Variants in INPP4A observed in about 807,000 individuals in gnomAD.
The protein encoded by INPP4A is inositol polyphosphate-4-phosphatase type I A.
A neutral mutation model predicts 119.8 loss-of-function variants in INPP4A; 33 were observed. The ratio of observed to expected loss-of-function variants is 0.28; its 90% CI spans 0.21 to 0.37. The LOEUF is 0.37. INPP4A is among the 10% of genes least tolerant of loss of function. The pLI is 1.00. For missense variants in INPP4A, 956 were observed against 1,289.9 expected, an observed-to-expected ratio of 0.74 and a Z score of 3.97; for synonymous variants, 496 against 500.7, an observed-to-expected ratio of 0.99 and a Z score of 0.12.
At chr2:98,579,859 G>A (rs1291665869) in intron 24 of INPP4A, among the ~76,000 whole-genome samples, 1 of 152,218 alleles carries the variant, frequency 6.6e-6, no homozygotes, top group Non-Finnish European at 1.5e-5. Context: ...AGTTTTTAAA[G>A]AAGTTATAAA....
At chr2:98,539,386 G>A in intron 9 of INPP4A, 142 bp from the exon 10 acceptor site, 1 of 886,486 alleles carries the variant, frequency 1.1e-6, no homozygotes. Context: ...TGGGTTTTCG[G>A]TGTAAGCGTT....
chr2:98,445,492 G>A (rs565114426), intron 1 of INPP4A, among the ~76,000 whole-genome samples: 1 of 152,354 alleles, frequency 6.6e-6, no homozygotes, highest in African/African-American at 2.4e-5. Flanking sequence ...GGGAAATCTG[G>A]TCTCCATCCT....
At chr2:98,564,588 A>G in intron 18 of INPP4A, 52 bp from the exon 19 acceptor site, 1 of 1,609,756 alleles carries the variant, frequency 6.2e-7, no homozygotes, top group Non-Finnish European at 8.5e-7. Flanking sequence ...TCTGACTGCC[A>G]TTTGGTGAGC....
chr2:98,485,966 G>A (rs933342691), intron 1 of INPP4A, among the ~76,000 whole-genome samples: 1 of 152,088 alleles, frequency 6.6e-6, no homozygotes, highest in African/African-American at 2.4e-5. Flanking sequence ...AAGGGGAGGG[G>A]GCCTCCAGAT....
rs1700491980 is a variant in INPP4A at position 98,593,589 on chromosome 2, G to C, written c.*5981G>C. ...GGTCCATCCCAGACTCTCCCCCAAG[G>C]TCCAGATTACCTATACATCTAAGCA... is the stretch of plus-strand genomic sequence containing the variant. On this transcript the variant is annotated 3_prime_UTR_variant, in exon 25 of 25. Coordinates refer to ENST00000409851, the MANE Select transcript of INPP4A (RefSeq NM_001134225.2). 6.6e-6 allele frequency: 1 copy of C among 152,122 alleles called. No homozygotes were observed. Among genetic ancestry groups the C allele is most frequent in the Non-Finnish European group, 1.5e-5 (1 of 68,042 alleles). The allele number at this position is 152,122 out of a possible 1,614,324, so 9.4% of individuals were successfully genotyped here.
Position 98,539,615 on chromosome 2 carries a change from T to C in INPP4A, c.758T>C (p.Val253Ala), listed in dbSNP as rs763451572. 1 of 1,612,144 alleles carries C rather than the reference T, an allele frequency of 6.2e-7. No homozygotes were observed. The highest frequency in any genetic ancestry group is 1.7e-5 in the Admixed American group (1 of 59,858). ...LRILEQMAES[V>A]LSLHVPRQFV... ...ATCCTGGAGCAGATGGCAGAGAGCG[T>C]GCTCTCCCTGCACGTGCCCCGGCAG... is the stretch of plus-strand genomic sequence containing the variant. Residue 253 changes from valine to alanine, a missense_variant, in exon 10 of 25, where the codon GTG (valine) becomes GCG (alanine). Transcript: ENST00000409851.
intron 18 of INPP4A, among the ~76,000 whole-genome samples, chr2:98,564,094 G>A (rs1460425982): frequency 6.6e-6 from 1 of 152,198 alleles, no homozygotes; most frequent in Non-Finnish European, 1.5e-5. Context: ...TGAAATGAAT[G>A]TAACAAGTTT....
At position 98,454,873 on chromosome 2, in the gene INPP4A, A is replaced by G. The variant is rs1166337354; in HGVS notation, c.-166+9788A>G. On this transcript the variant is annotated intron_variant, in intron 1 of 24. Coordinates refer to ENST00000409851, the MANE Select transcript of INPP4A (RefSeq NM_001134225.2). ...TGTTTTTTTAAAGAATGGAAGGACT[A>G]AGGATTGTATGAGCTGAAATGTTGA... 4.6e-5 allele frequency among the ~76,000 whole-genome samples: 7 copies of G among 152,252 alleles called. No homozygotes were observed. In the South Asian group the frequency reaches 6.2e-4, roughly 14 times the overall value.
At chr2:98,531,724 A>G (rs992811404) in intron 4 of INPP4A, among the ~76,000 whole-genome samples, 2 of 152,218 alleles carry the variant, frequency 1.3e-5, no homozygotes, top group Non-Finnish European at 2.9e-5. Context: ...CTACTTAGAG[A>G]ACATTTCCTT....
intron 1 of INPP4A, among the ~76,000 whole-genome samples, chr2:98,500,297 T>C (rs1682858559): frequency 6.6e-6 from 1 of 152,012 alleles, no homozygotes; most frequent in South Asian, 2.1e-4. Flanking sequence ...CAGCAGCTGG[T>C]TGGTGTCTGT....
At chr2:98,535,381 A>T (rs914612636) in intron 5 of INPP4A, among the ~76,000 whole-genome samples, 2 of 152,250 alleles carry the variant, frequency 1.3e-5, no homozygotes, top group African/African-American at 4.8e-5. Context: ...ACTTTAAGTT[A>T]TAAAACTAAG....
In INPP4A at chr2:98,566,244, T is replaced by A; in HGVS notation, c.2420+75T>A. ...ATGCAGAAAACGTACTTACCCCTCT[T>A]CAGGCTCTAAGTGCTGGACAGACTT... On this transcript the variant is annotated intron_variant, in intron 21 of 24. Coordinates refer to ENST00000409851, the MANE Select transcript of INPP4A (RefSeq NM_001134225.2). This position sits in a 1 kb window ranked among gnomAD's most constrained non-coding sequence, Gnocchi z 4.2. 1 of 1,425,692 alleles carries A rather than the reference T, an allele frequency of 7.0e-7. No homozygotes were observed. The highest frequency in any genetic ancestry group is 9.4e-7 in the Non-Finnish European group (1 of 1,067,504). The allele number at this position is 1,425,692 out of a possible 1,614,324, so 88.3% of individuals were successfully genotyped here.
At chr2:98,463,900 C>T (rs1286562370) in intron 1 of INPP4A, among the ~76,000 whole-genome samples, 2 of 152,206 alleles carry the variant, frequency 1.3e-5, no homozygotes, top group Admixed American at 1.3e-4. Context: ...GCTCCGTGCA[C>T]AGCCCTTGTC....
rs1694064231 is a variant in INPP4A at position 98,554,236 on chromosome 2, T to TG, written c.1348-32dup. The TG allele has an allele frequency of 2.6e-6, 4 of 1,543,736 alleles. No individual in the cohort carries two copies. The stretch of plus-strand genomic sequence containing the variant: ...GCAGGGGCCTCCCCAGCCCCTGGCC[T>TG]GGGCTCAGCAGCCTTGGTTTGTGTG... On this transcript the variant is annotated intron_variant, in intron 14 of 24. Coordinates refer to ENST00000409851, the MANE Select transcript of INPP4A (RefSeq NM_001134225.2). This position sits in a 1 kb window ranked among gnomAD's most constrained non-coding sequence, Gnocchi z 4.7.
chr2:98,564,578 T>C, intron 18 of INPP4A, 62 bp from the exon 19 acceptor site: 1 of 1,604,202 alleles, frequency 6.2e-7, no homozygotes, highest in Non-Finnish European at 8.5e-7. Flanking sequence ...CTGGGCATGA[T>C]CTGACTGCCA....
At chr2:98,449,441 A>G (rs979711054) in intron 1 of INPP4A, among the ~76,000 whole-genome samples, 5 of 152,188 alleles carry the variant, frequency 3.3e-5, no homozygotes, top group Non-Finnish European at 7.3e-5. Context: ...TGCTCAAATT[A>G]TCCTAGATTT....
At chr2:98,505,225 G>A (rs569510401) in intron 1 of INPP4A, among the ~76,000 whole-genome samples, 30 of 152,352 alleles carry the variant, frequency 2.0e-4, no homozygotes, top group African/African-American at 6.7e-4. Context: ...GCTGGGATCT[G>A]CCCAACCCCT....
chr2:98,539,782 A>G, intron 10 of INPP4A, 107 bp downstream of exon 10: 1 of 1,117,564 alleles, frequency 8.9e-7, no homozygotes, highest in Non-Finnish European at 1.2e-6. Flanking sequence ...CTGGACTGCA[A>G]ACACAGCCTC....
chr2:98,472,611 C>T (rs1013249291), intron 1 of INPP4A, among the ~76,000 whole-genome samples: 1 of 152,244 alleles, frequency 6.6e-6, no homozygotes, highest in Non-Finnish European at 1.5e-5. Context: ...GGAGAGGCCA[C>T]AGCACATATG....
Sources: allele counts gnomAD v4.1 joint callset (sites outside exome capture counted in the v4.1 genomes callset), GRCh38; gene constraint gnomAD v4.1.1; non-coding constraint Gnocchi (gnomAD v3.1); transcripts MANE v1.5; gene names NCBI Gene and HGNC (gene_info 2026-07-23, HGNC 2026-07-21).